The following GAP43 variants were observed in gnomAD, a reference collection of about 807,000 sequenced individuals.
The protein encoded by GAP43 is growth associated protein 43, also known as neuromodulin.
Under a neutral mutation model 18.6 loss-of-function variants are expected in GAP43, and 6 were observed. That is an observed-to-expected ratio of 0.32 (90% CI 0.18 to 0.64). GAP43 has a LOEUF of 0.64. Among genes scored for constraint, GAP43 ranks in the 30% least tolerant of loss-of-function variants. The pLI is 0.78. For synonymous variants in GAP43, 115 were observed against 111.4 expected, an observed-to-expected ratio of 1.03 and a Z score of -0.20; for missense variants, 292 against 295.5, an observed-to-expected ratio of 0.99 and a Z score of 0.09.
intron 1 of GAP43, among the ~76,000 whole-genome samples, chr3:115,641,452 TATAG>T (rs1322387119): frequency 6.1e-4 from 92 of 150,232 alleles, no homozygotes; most frequent in African/African-American, 9.6e-4. Flanking sequence ...TATATATATA[TATAG>T]AGAGAGAAAG....
At chr3:115,717,861 C>G (rs1012385178) in intron 2 of GAP43, among the ~76,000 whole-genome samples, 1 of 152,058 alleles carries the variant, frequency 6.6e-6, no homozygotes, top group Non-Finnish European at 1.5e-5. Flanking sequence ...CAGATTTGTG[C>G]CAAATTTCGT....
chr3:115,715,612 A>G (rs1709493547), intron 2 of GAP43, among the ~76,000 whole-genome samples: 1 of 152,228 alleles, frequency 6.6e-6, no homozygotes, highest in African/African-American at 2.4e-5. Flanking sequence ...ATGATCAAAG[A>G]TTTTGCACAA....
At chr3:115,639,077 T>C (rs1708364905) in intron 1 of GAP43, among the ~76,000 whole-genome samples, 1 of 152,068 alleles carries the variant, frequency 6.6e-6, no homozygotes, top group Non-Finnish European at 1.5e-5. Flanking sequence ...CAAATACCAG[T>C]GTCCAGTGAG....
chr3:115,696,284 T>A (rs1709188313), intron 2 of GAP43, among the ~76,000 whole-genome samples: 1 of 152,174 alleles, frequency 6.6e-6, no homozygotes, highest in Admixed American at 6.5e-5. Context: ...AAGTCCATCA[T>A]TTCCTGATAC....
intron 2 of GAP43, among the ~76,000 whole-genome samples, chr3:115,716,956 T>A (rs1356524834): frequency 2.6e-5 from 4 of 151,776 alleles, no homozygotes; most frequent in Non-Finnish European, 5.9e-5. Flanking sequence ...AGCTACTTAG[T>A]TTCAGTGCCG....
chr3:115,707,856 C>T (rs1709383974), intron 2 of GAP43, among the ~76,000 whole-genome samples: 1 of 151,990 alleles, frequency 6.6e-6, no homozygotes, highest in South Asian at 2.1e-4. Context: ...TTTAAATTTA[C>T]AAACTTTTGC....
intron 2 of GAP43, among the ~76,000 whole-genome samples, chr3:115,680,842 C>G (rs1441299402): frequency 1.3e-5 from 2 of 152,136 alleles, no homozygotes; most frequent in African/African-American, 4.8e-5. Flanking sequence ...ATTTATGTTT[C>G]CCAGAACAAT....
chr3:115,683,149 A>ACG (rs1559800456), intron 2 of GAP43, among the ~76,000 whole-genome samples: 7 of 68,888 alleles, frequency 1.0e-4, no homozygotes, highest in African/African-American at 3.0e-4. Flanking sequence ...GCGCGCGCGC[A>ACG]CACACACACA....
At chr3:115,714,873 GCACACACA>G (rs111292409) in intron 2 of GAP43, among the ~76,000 whole-genome samples, 2 of 150,390 alleles carry the variant, frequency 1.3e-5, no homozygotes, top group Non-Finnish European at 3.0e-5. Flanking sequence ...GTGTGCGCGT[GCACACACA>G]CACACACACA....
Position 115,697,053 on chromosome 3 carries a change from G to A in GAP43, c.628+20443G>A, listed in dbSNP as rs180721013. On this transcript the variant is annotated intron_variant, in intron 2 of 2. Coordinates refer to ENST00000305124, the MANE Select transcript of GAP43 (RefSeq NM_002045.4). ...GGGGCTCCACCATATTGGTCAGGAT[G>A]GTCTCAAACTCCTGACCTCAAGTGA... 3.3e-3 allele frequency among the ~76,000 whole-genome samples: 508 copies of A among 151,916 alleles called. 5 individuals carry two copies. Among genetic ancestry groups the A allele is most frequent in the African/African-American group, 0.012 (489 of 41,420 alleles).
intron 1 of GAP43, among the ~76,000 whole-genome samples, chr3:115,653,838 T>C (rs1708550171): frequency 6.6e-6 from 1 of 152,214 alleles, no homozygotes; most frequent in South Asian, 2.1e-4. Context: ...CTTTGCCTTG[T>C]TCATATTTAA....
chr3:115,657,738 T>C (rs1256168012), intron 1 of GAP43, among the ~76,000 whole-genome samples: 1 of 152,140 alleles, frequency 6.6e-6, no homozygotes. Context: ...ATAATATATT[T>C]TGTAGACACA....
intron 2 of GAP43, among the ~76,000 whole-genome samples, chr3:115,712,724 G>A (rs975500728): frequency 1.1e-4 from 16 of 152,144 alleles, no homozygotes; most frequent in Non-Finnish European, 2.4e-4. Context: ...TTAGTTAGTG[G>A]CAAAGTCTAG....
intron 1 of GAP43, among the ~76,000 whole-genome samples, chr3:115,642,681 T>G (rs1032231798): frequency 1.3e-5 from 2 of 152,106 alleles, no homozygotes; most frequent in African/African-American, 4.8e-5. Context: ...ATCTAAAGAC[T>G]TAAGTACCAC....
At chr3:115,702,975 G>A (rs1378014451) in intron 2 of GAP43, among the ~76,000 whole-genome samples, 2 of 152,062 alleles carry the variant, frequency 1.3e-5, no homozygotes, top group Admixed American at 6.6e-5. Context: ...ATTTCCTGGA[G>A]TACAAAAAGA....
intron 2 of GAP43, among the ~76,000 whole-genome samples, chr3:115,679,781 C>A (rs948220308): frequency 6.6e-5 from 10 of 152,148 alleles, no homozygotes; most frequent in Non-Finnish European, 1.3e-4. Flanking sequence ...GGTAACCTAT[C>A]CAGAGGGCTA....
intron 1 of GAP43, among the ~76,000 whole-genome samples, chr3:115,643,429 C>T (rs891428295): frequency 5.3e-5 from 8 of 152,012 alleles, no homozygotes; most frequent in African/African-American, 1.7e-4. Flanking sequence ...TGATATTATC[C>T]TAATCCATTT....
Position 115,716,758 on chromosome 3 carries a change from A to C in GAP43, c.629-4036A>C, listed in dbSNP as rs1326726658. Among the ~76,000 whole-genome samples the C allele has an allele frequency of 3.1e-5, 4 of 128,310 alleles. 1 individual carries two copies. Among genetic ancestry groups the C allele is most frequent in the African/African-American group, 1.2e-4 (4 of 34,206 alleles). 84.2% of individuals were successfully genotyped at this position (128,310 alleles called of 152,430 possible). A position where few individuals can be genotyped will look rare whatever the true frequency, so the allele number is the denominator to read the frequency against. On this transcript the variant is annotated intron_variant, in intron 2 of 2. Transcript: ENST00000305124. ...TATATATATATATATATATATATAT[A>C]TATATATATACAGAGAGAGAGAGAG...
rs1272686539 is a variant in GAP43, at chr3:115,676,198, C to T, written c.216C>T (p.Ala72=). 1 of 1,614,052 alleles carries T rather than the reference C, an allele frequency of 6.2e-7. No individual in the cohort carries two copies. The highest frequency in any genetic ancestry group is 1.1e-5 in the South Asian group (1 of 91,074). ...AEAEANKKDE[A]PVADGVEKKG... is the part of the protein sequence containing the mutation. ...CTGAAGCTAATAAGAAGGATGAAGC[C>T]CCTGTTGCCGATGGGGTGGAGAAGA... is the stretch of plus-strand genomic sequence containing the variant. Residue 72 remains alanine, a synonymous_variant, in exon 2 of 3, where the codon GCC becomes GCT. Transcript: ENST00000305124.
Sources: allele counts gnomAD v4.1 joint callset (sites outside exome capture counted in the v4.1 genomes callset), GRCh38; gene constraint gnomAD v4.1.1; transcripts MANE v1.5; gene names NCBI Gene and HGNC (gene_info 2026-07-23, HGNC 2026-07-21).